Variants in TXNRD3 observed in about 807,000 individuals in gnomAD.
TXNRD3 encodes thioredoxin reductase 3, also known as TXNRD3 neighbor gene protein.
A neutral mutation model predicts 78.2 loss-of-function variants in TXNRD3; 68 were observed. The ratio of observed to expected loss-of-function variants is 0.87; its 90% confidence interval spans 0.72 to 1.06. TXNRD3 has a LOEUF of 1.06. Ranked by LOEUF, TXNRD3 falls within the 50% of genes least tolerant of loss-of-function variation. TXNRD3 has a pLI of 0.00. For synonymous variants in TXNRD3, 296 were observed against 300.1 expected, an observed-to-expected ratio of 0.99 and a Z score of 0.14; for missense variants, 751 against 809.5, an observed-to-expected ratio of 0.93 and a Z score of 0.88.
rs1938293813 is a variant in TXNRD3, at chr3:126,615,365, T to A, written c.1622A>T (p.Glu541Val). ...AAAACACAATCTTACTTCTAGATTC[T>A]CTTTTTTATATACTTCAATAGCTTT... Residue 541 changes from glutamate to valine, a missense_variant, in exon 13 of 16, where the codon GAG (glutamate) becomes GTG (valine). Transcript: ENST00000524230. 1 of 1,460,026 alleles carries A rather than the reference T, an allele frequency of 6.8e-7. No homozygotes were observed. Among genetic ancestry groups the A allele is most frequent in the Non-Finnish European group, 9.0e-7 (1 of 1,105,194 alleles). 90.4% of individuals were successfully genotyped at this position (1,460,026 alleles called of 1,614,324 possible).
At chr3:126,631,735 T>C (rs1938718987) in intron 8 of TXNRD3, 29 bp downstream of exon 8, 1 of 1,333,214 alleles carries the variant, frequency 7.5e-7, no homozygotes, top group Non-Finnish European at 1.0e-6. Context: ...TTATTAACAT[T>C]AAAGTTAAAA....
At chr3:126,631,492 T>C (rs1938713209) in intron 8 of TXNRD3, among the ~76,000 whole-genome samples, 1 of 152,072 alleles carries the variant, frequency 6.6e-6, no homozygotes, top group African/African-American at 2.4e-5. Context: ...TGTTTTGGCC[T>C]GTAAGAAGTT....
chr3:126,642,203 T>A (rs1354067339), intron 5 of TXNRD3, 52 bp from the exon 6 acceptor site: 1 of 1,495,546 alleles, frequency 6.7e-7, no homozygotes, highest in Non-Finnish European at 8.9e-7. Context: ...GTTTCACACA[T>A]CTGCAATCAT....
At chr3:126,638,013 G>A (rs1410570836) in intron 6 of TXNRD3, among the ~76,000 whole-genome samples, 6 of 123,752 alleles carry the variant, frequency 4.8e-5, no homozygotes, top group Admixed American at 1.1e-4. Flanking sequence ...GCATGATCTC[G>A]GCTCACTGCA....
intron 7 of TXNRD3, among the ~76,000 whole-genome samples, chr3:126,633,442 A>AT (rs993081419): frequency 4.6e-4 from 70 of 152,262 alleles, no homozygotes; most frequent in African/African-American, 1.6e-3. Context: ...AAATGATCTC[A>AT]TTTTCCATAT....
At chr3:126,650,941 G>A (rs1201300096) in intron 1 of TXNRD3, among the ~76,000 whole-genome samples, 2 of 152,098 alleles carry the variant, frequency 1.3e-5, no homozygotes, top group Admixed American at 6.6e-5. Context: ...ACACAAACAA[G>A]CTGGTTGATT....
chr3:126,643,867 C>A, intron 5 of TXNRD3, 114 bp downstream of exon 5: 16 of 1,014,570 alleles, frequency 1.6e-5, no homozygotes, highest in Admixed American at 3.1e-5. Flanking sequence ...GTTTTCTTAT[C>A]CAAGAAACAG....
chr3:126,628,080 C>T (rs1286345135), intron 10 of TXNRD3, among the ~76,000 whole-genome samples: 3 of 152,098 alleles, frequency 2.0e-5, no homozygotes, highest in African/African-American at 7.2e-5. Flanking sequence ...AGAAAAAATT[C>T]ATCATCCACA....
intron 15 of TXNRD3, among the ~76,000 whole-genome samples, chr3:126,608,285 T>C (rs1184915958): frequency 1.3e-5 from 2 of 152,132 alleles, no homozygotes; most frequent in South Asian, 2.1e-4. Flanking sequence ...CACTTGCACC[T>C]GGGAGGTGGA....
rs746884474 is a variant in TXNRD3, at chr3:126,629,490, G to A, written c.1198-19C>T. The A allele has an allele frequency of 1.6e-4, 244 of 1,504,478 alleles. No individual in the cohort carries two copies. Among genetic ancestry groups the A allele is most frequent in the Non-Finnish European group, 2.0e-4 (226 of 1,119,820 alleles). The allele number at this position is 1,504,478 out of a possible 1,614,324, so 93.2% of individuals were successfully genotyped here. Reference sequence around the variant, plus strand: ...GTTGAACCTAGTAAGAATGAAGAGTGTAATGATGTTATCTAAATATGATAA... The same window carrying A: ...GTTGAACCTAGTAAGAATGAAGAGTATAATGATGTTATCTAAATATGATAA... On this transcript the variant is annotated intron_variant, in intron 9 of 15. Transcript: ENST00000524230.
chr3:126,608,047 T>C lies in TXNRD3; in HGVS notation c.1864-74A>G, dbSNP rs1938094175. The C allele has an allele frequency of 8.1e-6, 9 of 1,111,332 alleles. No homozygotes were observed. In the South Asian group the frequency reaches 1.6e-4, roughly 19 times the overall value. The allele number at this position is 1,111,332 out of a possible 1,614,324, so 68.8% of individuals were successfully genotyped here. A position where few individuals can be genotyped will look rare whatever the true frequency, so the allele number is the denominator to read the frequency against. ...TTAAAAAAACACATTCTGAATATTA[T>C]ATTTATGCTATTCTTTAAAATATAC... On this transcript the variant is annotated intron_variant, in intron 15 of 15. Transcript: ENST00000524230.
rs563316827 is a variant in TXNRD3 at position 126,648,478 on chromosome 3, G to T, written c.244-1182C>A. Among the ~76,000 whole-genome samples, 11 of 152,144 alleles carry T rather than the reference G, an allele frequency of 7.2e-5. No homozygotes were observed. In the East Asian group the frequency reaches 9.6e-4, roughly 13 times the overall value. ...AAGATACAGTAATCAAAACAGTGCC[G>T]TACTGGCATAAAGACAGGCTTATGG... On this transcript the variant is annotated intron_variant, in intron 1 of 15. Coordinates refer to ENST00000524230, the MANE Select transcript of TXNRD3 (RefSeq NM_052883.3).
rs973903508 is a variant in TXNRD3 at position 126,607,547 on chromosome 3, A to G, written c.*358T>C. Reference sequence around the variant, plus strand: ...ACAGAAACAACAAAGCAAAGGGGATAAAAACAATAGCGACCAGAAAAGCTA... The same window carrying G: ...ACAGAAACAACAAAGCAAAGGGGATGAAAACAATAGCGACCAGAAAAGCTA... On this transcript the variant is annotated 3_prime_UTR_variant, in exon 16 of 16. Transcript: ENST00000524230. The G allele has an allele frequency of 1.1e-5, 2 of 179,352 alleles. No homozygotes were observed. Among genetic ancestry groups the G allele is most frequent in the Non-Finnish European group, 2.3e-5 (2 of 86,186 alleles). 11.1% of individuals were successfully genotyped at this position (179,352 alleles called of 1,614,324 possible). A position where few individuals can be genotyped will look rare whatever the true frequency, so the allele number is the denominator to read the frequency against.
At chr3:126,650,491 A>G (rs1933362293) in intron 1 of TXNRD3, among the ~76,000 whole-genome samples, 1 of 152,138 alleles carries the variant, frequency 6.6e-6, no homozygotes, top group East Asian at 1.9e-4. Context: ...AAATGCAAAA[A>G]TTACTGAGGT....
At chr3:126,633,787 GT>G in intron 7 of TXNRD3, 121 bp downstream of exon 7, 1 of 569,408 alleles carries the variant, frequency 1.8e-6, no homozygotes, top group Non-Finnish European at 2.7e-6. Flanking sequence ...GCATGGCCGT[GT>G]GTGTGTGTGT....
chr3:126,645,006 G>A (rs538664158), intron 3 of TXNRD3, among the ~76,000 whole-genome samples: 1 of 152,310 alleles, frequency 6.6e-6, no homozygotes, highest in South Asian at 2.1e-4. Flanking sequence ...TTCGATGTGT[G>A]ATTTAGTAAC....
intron 6 of TXNRD3, among the ~76,000 whole-genome samples, chr3:126,639,720 G>GC (rs550013465): frequency 6.6e-6 from 1 of 152,046 alleles, no homozygotes; most frequent in South Asian, 2.1e-4. Flanking sequence ...ACAGGTGCAT[G>GC]CCACCATGCC....
chr3:126,654,754 A>G lies in TXNRD3; in HGVS notation c.237T>C (p.Ser79=). 5.8e-6 allele frequency: 8 copies of G among 1,388,644 alleles called. No homozygotes were observed. Among genetic ancestry groups the G allele is most frequent in the Non-Finnish European group, 6.5e-6 (7 of 1,070,044 alleles). The allele number at this position is 1,388,644 out of a possible 1,614,324, so 86.0% of individuals were successfully genotyped here. A position where few individuals can be genotyped will look rare whatever the true frequency, so the allele number is the denominator to read the frequency against. ...CGGCGAGGGCCGCGCCTACCCGAGT[A>G]CTATGGGGACAGTAGCTCTTGCTGA... is the stretch of plus-strand genomic sequence containing the variant. Residue 79 remains serine, a synonymous_variant, in exon 1 of 16, where the codon AGT becomes AGC. Coordinates refer to ENST00000524230, the MANE Select transcript of TXNRD3 (RefSeq NM_052883.3).
intron 14 of TXNRD3, among the ~76,000 whole-genome samples, chr3:126,610,794 T>C (rs1286682605): frequency 3.3e-5 from 5 of 152,082 alleles, no homozygotes; most frequent in African/African-American, 9.7e-5. Context: ...GTTAACTAAA[T>C]GACAACGTGG....
Sources: allele counts gnomAD v4.1 joint callset (sites outside exome capture counted in the v4.1 genomes callset), GRCh38; gene constraint gnomAD v4.1.1; transcripts MANE v1.5; gene names NCBI Gene and HGNC (gene_info 2026-07-23, HGNC 2026-07-21).